FMN2: variants seen among roughly 807,000 people sequenced by gnomAD.
FMN2 encodes formin-2.
Under a neutral mutation model 142.3 loss-of-function variants are expected in FMN2, and 51 were observed. The ratio of observed to expected loss-of-function variants is 0.36; its 90% CI spans 0.29 to 0.45. The LOEUF is 0.45. FMN2 is among the 20% of genes least tolerant of loss of function. The pLI, the probability that FMN2 is intolerant of heterozygous loss-of-function variation, is 1.00. For synonymous variants in FMN2, 882 were observed against 869.8 expected (o/e 1.01, Z -0.25); for missense variants, 1,936 against 2,122.8 (o/e 0.91, Z 1.73).
chr1:240,216,212 A>T (rs991269639), intron 6 of FMN2, among the ~76,000 whole-genome samples: 2 of 152,226 alleles, frequency 1.3e-5, no homozygotes, highest in African/African-American at 4.8e-5. Context: ...CAAATGTGAA[A>T]TGATGCTACA....
chr1:240,414,734 C>T (rs569222753), intron 15 of FMN2, among the ~76,000 whole-genome samples: 4 of 152,216 alleles, frequency 2.6e-5, no homozygotes, highest in African/African-American at 9.6e-5. Context: ...GTTTTGTTGC[C>T]TTTAATTATA....
rs115150106 is a variant in FMN2, at chr1:240,374,223, A to G, written c.4859-18288A>G. On this transcript the variant is annotated intron_variant, in intron 14 of 17. Transcript: ENST00000319653. ...TCTTCCATTTATAGATCACAGGCAT[A>G]GTAGATTTAGCATAATTCTTATAGG... Among the ~76,000 whole-genome samples, 1,021 of 152,326 alleles carry G rather than the reference A, an allele frequency of 6.7e-3. 7 individuals carry two copies. The highest frequency in any genetic ancestry group is 0.023 in the African/African-American group (943 of 41,566).
At position 240,097,505 on chromosome 1, in the gene FMN2, A is replaced by G. The variant is rs1462338310; in HGVS notation, c.1615+3781A>G. On this transcript the variant is annotated intron_variant, in intron 1 of 17. Transcript: ENST00000319653. ...TGAGTAGCTGGGACTACAGGCGCCC[A>G]CCACCATGCCCAGCTAATTTTTTGT... 6.6e-5 allele frequency among the ~76,000 whole-genome samples: 10 copies of G among 151,644 alleles called. No homozygotes were observed. In the East Asian group the frequency reaches 1.4e-3, roughly 21 times the overall value.
At position 240,143,038 on chromosome 1, in the gene FMN2, G is replaced by T. The variant is rs1663259769; in HGVS notation, c.1782+19693G>T. 3.4e-6 allele frequency: 5 copies of T among 1,491,456 alleles called. No individual in the cohort carries two copies. The South Asian group carries it at 3.4e-5, about 10-fold the overall frequency. 92.4% of individuals were successfully genotyped at this position (1,491,456 alleles called of 1,614,324 possible). A position where few individuals can be genotyped will look rare whatever the true frequency, so the allele number is the denominator to read the frequency against. ...GCCATGGCCACTGGACTCATAAGCT[G>T]CCAGTCACTGTGGTAGGGGCAGAGG... On this transcript the variant is annotated intron_variant, in intron 2 of 17. Transcript: ENST00000319653.
intron 2 of FMN2, among the ~76,000 whole-genome samples, chr1:240,159,974 T>TATATATACAC (rs1202421069): frequency 6.5e-4 from 87 of 134,074 alleles, no homozygotes; most frequent in African/African-American, 2.3e-3. Context: ...TATATATATA[T>TATATATACAC]ACACACACAC....
chr1:240,143,890 ATCT>A, intron 2 of FMN2: 1 of 1,584,636 alleles, frequency 6.3e-7, no homozygotes, highest in Non-Finnish European at 8.7e-7. Flanking sequence ...GTGTTAGGAC[ATCT>A]TCATGATTTG....
chr1:240,218,945 T>G (rs1667007102), intron 6 of FMN2, among the ~76,000 whole-genome samples: 1 of 151,856 alleles, frequency 6.6e-6, no homozygotes. Flanking sequence ...TAGAACAGAG[T>G]ATATAGGCTG....
At chr1:240,119,421 A>G (rs972760409) in intron 1 of FMN2, among the ~76,000 whole-genome samples, 7 of 151,874 alleles carry the variant, frequency 4.6e-5, no homozygotes, top group African/African-American at 1.7e-4. Context: ...AAGGAGGTGA[A>G]GTTTCTTTAG....
intron 14 of FMN2, among the ~76,000 whole-genome samples, chr1:240,389,671 G>A (rs2103094430): frequency 6.6e-6 from 1 of 152,256 alleles, no homozygotes; most frequent in East Asian, 1.9e-4. Context: ...AGAATTGTTG[G>A]CCAAGCATGG....
rs773124233 is a variant in FMN2 at position 240,308,843 on chromosome 1, T to C, written c.4215+13960T>C. Among the ~76,000 whole-genome samples, 4 of 152,030 alleles carry C rather than the reference T, an allele frequency of 2.6e-5. No individual in the cohort carries two copies. In the South Asian group the frequency reaches 8.3e-4, roughly 32 times the overall value. ...GTGAGAGAAAACAAGAAATTGAGAG[T>C]GATCCCACAATTTTTGGCCTGGGCA... On this transcript the variant is annotated intron_variant, in intron 8 of 17. Transcript: ENST00000319653.
At chr1:240,320,358 C>T (rs956182484) in intron 8 of FMN2, among the ~76,000 whole-genome samples, 23 of 152,216 alleles carry the variant, frequency 1.5e-4, no homozygotes, top group African/African-American at 5.1e-4. Flanking sequence ...CCACTTTGCT[C>T]ATGTATTTGG....
At chr1:240,288,955 C>T (rs564685453) in intron 7 of FMN2, among the ~76,000 whole-genome samples, 5 of 152,128 alleles carry the variant, frequency 3.3e-5, no homozygotes, top group Non-Finnish European at 7.4e-5. Flanking sequence ...TGATTGCAGT[C>T]TTATGGGAGA....
At chr1:240,306,520 G>A (rs1670411944) in intron 8 of FMN2, among the ~76,000 whole-genome samples, 1 of 152,098 alleles carries the variant, frequency 6.6e-6, no homozygotes, top group African/African-American at 2.4e-5. Flanking sequence ...CATGTGATAT[G>A]TTTCTGCATA....
At chr1:240,126,490 C>T (rs2103225426) in intron 2 of FMN2, among the ~76,000 whole-genome samples, 1 of 151,944 alleles carries the variant, frequency 6.6e-6, no homozygotes, top group South Asian at 2.1e-4. Context: ...GGGCTCTTCA[C>T]TGATGTAGTT....
At chr1:240,119,553 C>T (rs950667665) in intron 1 of FMN2, among the ~76,000 whole-genome samples, 3 of 152,062 alleles carry the variant, frequency 2.0e-5, no homozygotes, top group African/African-American at 2.4e-5. Flanking sequence ...GCTGTGCCAC[C>T]GCCATCCAGT....
intron 4 of FMN2, among the ~76,000 whole-genome samples, chr1:240,202,058 A>G (rs1666146114): frequency 6.6e-6 from 1 of 152,240 alleles, no homozygotes; most frequent in South Asian, 2.1e-4. Context: ...AGACACGGGA[A>G]TATGATCCTT....
chr1:240,349,823 A>C (rs956798931), intron 13 of FMN2, among the ~76,000 whole-genome samples: 4 of 152,250 alleles, frequency 2.6e-5, no homozygotes, highest in African/African-American at 9.6e-5. Flanking sequence ...TTATGCCAAC[A>C]GTCTCCTAAC....
At chr1:240,332,048 G>A (rs1422785627) in intron 11 of FMN2, among the ~76,000 whole-genome samples, 1 of 152,142 alleles carries the variant, frequency 6.6e-6, no homozygotes, top group African/African-American at 2.4e-5. Context: ...GTGTGTGTGT[G>A]TTGTCAAATT....
At chr1:240,184,973 C>CCTTCCCCTTCTCTTTCTCCCTCCTATAA (rs2103339144) in intron 3 of FMN2, among the ~76,000 whole-genome samples, 2 of 133,598 alleles carry the variant, frequency 1.5e-5, no homozygotes, top group South Asian at 4.9e-4. Context: ...CCCTCCTATA[C>CCTTCCCCTTCTCTTTCTCCCTCCTATAA]CTTCCCCTTC....
Sources: allele counts gnomAD v4.1 joint callset (sites outside exome capture counted in the v4.1 genomes callset), GRCh38; gene constraint gnomAD v4.1.1; transcripts MANE v1.5; gene names NCBI Gene and HGNC (gene_info 2026-07-23, HGNC 2026-07-21).